The following GNA14 variants were observed in gnomAD, a reference collection of about 807,000 sequenced individuals.
The protein encoded by GNA14 is G protein subunit alpha 14, also known as guanine nucleotide-binding protein subunit alpha-14.
A neutral mutation model predicts 42.0 loss-of-function variants in GNA14; 50 were observed. The ratio of observed to expected loss-of-function variants is 1.19; its 90% CI spans 0.95 to 1.51. The LOEUF (loss-of-function observed/expected upper bound fraction) is 1.51. GNA14 is among the 40% of genes most tolerant of loss of function. The probability of loss-of-function intolerance (pLI) is 0.00; values close to 1 mark genes in which losing one functional copy is unlikely to be tolerated. For synonymous variants in GNA14, 173 were observed against 163.1 expected, an observed-to-expected ratio of 1.06 and a Z score of -0.46; for missense variants, 473 against 446.2, an observed-to-expected ratio of 1.06 and a Z score of -0.54.
intron 2 of GNA14, among the ~76,000 whole-genome samples, chr9:77,490,845 G>C (rs1836759749): frequency 6.6e-6 from 1 of 152,266 alleles, no homozygotes; most frequent in Non-Finnish European, 1.5e-5. Flanking sequence ...GCAGTGGTGG[G>C]CTGAAGGGCT....
chr9:77,502,554 T>C (rs1836992923), intron 2 of GNA14, among the ~76,000 whole-genome samples: 1 of 152,106 alleles, frequency 6.6e-6, no homozygotes, highest in African/African-American at 2.4e-5. Flanking sequence ...GAGAGCCTCA[T>C]TGCTGCTCCC....
intron 2 of GNA14, among the ~76,000 whole-genome samples, chr9:77,501,038 TC>T (rs1186669143): frequency 6.6e-6 from 1 of 152,034 alleles, no homozygotes; most frequent in Non-Finnish European, 1.5e-5. Flanking sequence ...CACTGCAACC[TC>T]CGCCTCCCGG....
chr9:77,503,813 A>T (rs890078965), intron 2 of GNA14, among the ~76,000 whole-genome samples: 1 of 151,614 alleles, frequency 6.6e-6, no homozygotes, highest in African/African-American at 2.4e-5. Context: ...CACCCAGCTA[A>T]TTTTTTTGTA....
rs1448687803 is a variant in GNA14, at chr9:77,603,961, A to AC, written c.124+43708_124+43709insG. ...TCCATCTCAAAAAAAAAAAACAAAA[A>AC]AAAAAAAAAAAAAAAAAAAACACCT... On this transcript the variant is annotated intron_variant, in intron 1 of 6. Coordinates refer to ENST00000341700, the MANE Select transcript of GNA14 (RefSeq NM_004297.4). 4.4e-3 allele frequency among the ~76,000 whole-genome samples: 281 copies of AC among 64,344 alleles called. 2 individuals carry two copies. The highest frequency in any genetic ancestry group is 0.011 in the African/African-American group (270 of 23,656). The allele number at this position is 64,344 out of a possible 152,430, so 42.2% of individuals were successfully genotyped here. A position where few individuals can be genotyped will look rare whatever the true frequency, so the allele number is the denominator to read the frequency against.
intron 2 of GNA14, among the ~76,000 whole-genome samples, chr9:77,479,173 T>C (rs1836494499): frequency 6.6e-6 from 1 of 152,208 alleles, no homozygotes; most frequent in African/African-American, 2.4e-5. Flanking sequence ...ATTTAAGTCT[T>C]TAATCCATGT....
At chr9:77,446,844 T>G (rs1378047309) in intron 2 of GNA14, among the ~76,000 whole-genome samples, 2 of 152,314 alleles carry the variant, frequency 1.3e-5, no homozygotes, top group African/African-American at 4.8e-5. Flanking sequence ...GAGAGAGAGA[T>G]AAATGATGTT....
At chr9:77,482,545 G>T (rs6560598) in intron 2 of GNA14, among the ~76,000 whole-genome samples, 93,834 of 151,146 alleles carry the variant, frequency 0.62, 30,609 homozygotes, top group African/African-American at 0.83. Context: ...GGAGTTGCTC[G>T]TCTTGAAGAG....
chr9:77,627,268 G>T (rs1051836686), intron 1 of GNA14, among the ~76,000 whole-genome samples: 2 of 152,070 alleles, frequency 1.3e-5, no homozygotes, highest in South Asian at 4.1e-4. Context: ...AAAAGGCCAG[G>T]AACAGATGGA....
chr9:77,490,548 T>G (rs7035506), intron 2 of GNA14, among the ~76,000 whole-genome samples: 1 of 151,942 alleles, frequency 6.6e-6, no homozygotes, highest in Non-Finnish European at 1.5e-5. Context: ...AGCTAAGGCC[T>G]GGTGAGAAAT....
At chr9:77,534,353 T>C (rs1457372500) in intron 1 of GNA14, among the ~76,000 whole-genome samples, 1 of 152,216 alleles carries the variant, frequency 6.6e-6, no homozygotes, top group East Asian at 1.9e-4. Flanking sequence ...GAAACTCATA[T>C]AAGTACAAAA....
intron 2 of GNA14, among the ~76,000 whole-genome samples, chr9:77,490,898 CGAG>C (rs1836762159): frequency 6.6e-6 from 1 of 152,218 alleles, no homozygotes; most frequent in Non-Finnish European, 1.5e-5. Flanking sequence ...GAGGAGGCGC[CGAG>C]AGCGAGCAAG....
intron 1 of GNA14, among the ~76,000 whole-genome samples, chr9:77,562,457 G>T (rs1033607524): frequency 2.0e-5 from 3 of 152,106 alleles, no homozygotes; most frequent in African/African-American, 7.2e-5. Flanking sequence ...TAGAGTAGGG[G>T]ATTTATTTTA....
chr9:77,499,593 G>A (rs575359239), intron 2 of GNA14, among the ~76,000 whole-genome samples: 1 of 152,268 alleles, frequency 6.6e-6, no homozygotes, highest in South Asian at 2.1e-4. Context: ...GCTCATGCCT[G>A]TAATCCCAGC....
rs773285858 is a variant in GNA14 at position 77,529,233 on chromosome 9, T to A, written c.145A>T (p.Ser49Cys). Residue 49 changes from serine (S) to cysteine (C), a missense_variant, in exon 2 of 7, where the codon AGC (serine) becomes TGC (cysteine). Ser to Cys is a moderately radical substitution (Grantham distance 112). Transcript: ENST00000341700. ...LLLGTGESGK[S>C]TFIKQMRIIH... is the part of the protein sequence containing the mutation. ...ATTCTCATCTGCTTGATAAAGGTGC[T>A]TTTCCCACTTTCACCAGTTCCTATA... 3.7e-6 allele frequency: 6 copies of A among 1,613,936 alleles called. No homozygotes were observed. In the South Asian group the frequency reaches 6.6e-5, roughly 18 times the overall value.
At chr9:77,492,512 T>G (rs1388450851) in intron 2 of GNA14, among the ~76,000 whole-genome samples, 1 of 151,852 alleles carries the variant, frequency 6.6e-6, no homozygotes, top group Non-Finnish European at 1.5e-5. Flanking sequence ...ATGCAAAGAA[T>G]CATTAGAGAC....
At chr9:77,647,372 G>C (rs1410465092) in intron 1 of GNA14, among the ~76,000 whole-genome samples, 1 of 152,180 alleles carries the variant, frequency 6.6e-6, no homozygotes, top group East Asian at 1.9e-4. Flanking sequence ...ACGGGGTTTT[G>C]AGGAGAGGGG....
chr9:77,539,972 T>A (rs1837639449), intron 1 of GNA14, among the ~76,000 whole-genome samples: 3 of 152,192 alleles, frequency 2.0e-5, no homozygotes, highest in Non-Finnish European at 4.4e-5. Context: ...GTACTTTTTT[T>A]AGTCTCTGCT....
chr9:77,645,648 AC>A (rs1315363845), intron 1 of GNA14, among the ~76,000 whole-genome samples: 2 of 152,152 alleles, frequency 1.3e-5, no homozygotes, highest in African/African-American at 4.8e-5. Context: ...GATTAATGTG[AC>A]TTTCAGAGCA....
At chr9:77,484,877 C>A (rs1223668392) in intron 2 of GNA14, among the ~76,000 whole-genome samples, 1 of 152,164 alleles carries the variant, frequency 6.6e-6, no homozygotes, top group African/African-American at 2.4e-5. Flanking sequence ...TCTAAAAAAA[C>A]ACTGTACGTA....
Sources: allele counts gnomAD v4.1 joint callset (sites outside exome capture counted in the v4.1 genomes callset), GRCh38; gene constraint gnomAD v4.1.1; transcripts MANE v1.5; gene names NCBI Gene and HGNC (gene_info 2026-07-23, HGNC 2026-07-21).